Variants in ASPH observed in about 807,000 individuals in gnomAD.
ASPH encodes the protein aspartyl/asparaginyl beta-hydroxylase.
A neutral mutation model predicts 118.4 loss-of-function variants in ASPH; 100 were observed. That is an observed-to-expected ratio of 0.84 (90% CI 0.72 to 1.00). The LOEUF (loss-of-function observed/expected upper bound fraction) is 1.00, where lower values mean the gene tolerates loss of function less well. ASPH is among the 50% of genes least tolerant of loss of function. ASPH has a pLI of 0.00. For missense variants in ASPH, 920 were observed against 919.5 expected (o/e 1.00, Z -0.01); for synonymous variants, 315 against 325.6 (o/e 0.97, Z 0.35).
intron 3 of ASPH, chr8:61,664,861 C>G (rs1481739408): frequency 1.7e-5 from 17 of 992,858 alleles, no homozygotes; most frequent in African/African-American, 3.5e-5. Context: ...AAATCCATCT[C>G]CCTGAGTATT....
intron 13 of ASPH, among the ~76,000 whole-genome samples, chr8:61,623,291 T>C (rs1851610853): frequency 6.6e-6 from 1 of 152,234 alleles, no homozygotes; most frequent in Non-Finnish European, 1.5e-5. Context: ...TTTGCATTTC[T>C]GATGATCAAG....
intron 18 of ASPH, 41 bp downstream of exon 18, chr8:61,562,703 A>G (rs1830422883): frequency 4.6e-6 from 7 of 1,523,172 alleles, no homozygotes; most frequent in Non-Finnish European, 5.3e-6. Context: ...AAATAGCCTT[A>G]GAACTTAATT....
chr8:61,628,795 G>T (rs1319176766), intron 13 of ASPH, among the ~76,000 whole-genome samples: 2 of 152,140 alleles, frequency 1.3e-5, no homozygotes, highest in Admixed American at 1.3e-4. Context: ...GTACCCACAG[G>T]ACTGTGAACC....
chr8:61,539,933 C>T (rs1821239790), intron 21 of ASPH, among the ~76,000 whole-genome samples: 1 of 152,110 alleles, frequency 6.6e-6, no homozygotes, highest in Non-Finnish European at 1.5e-5. Flanking sequence ...TGGCTTTTCT[C>T]TAACTATAGG....
chr8:61,657,040 G>C (rs1333614693), intron 3 of ASPH: 2 of 152,172 alleles, frequency 1.3e-5, no homozygotes, highest in East Asian at 3.9e-4. Context: ...CCGGGGGAGA[G>C]AGAAACTTAA....
At chr8:61,624,680 T>C in intron 13 of ASPH, 1 of 985,536 alleles carries the variant, frequency 1.0e-6, no homozygotes, top group Non-Finnish European at 1.2e-6. Flanking sequence ...CAAAAATATT[T>C]AAAGTTAACC....
chr8:61,682,397 G>A lies in ASPH; in HGVS notation c.254-1361C>T, dbSNP rs1259832594. On this transcript the variant is annotated intron_variant, in intron 2 of 24. Transcript: ENST00000379454. ...AGTAGAAAAAGGATGAGCCATTAGA[G>A]AGTAACACACGTAGACTTGAAATGC... 3.8e-6 allele frequency: 6 copies of A among 1,577,832 alleles called. No homozygotes were observed. The African/African-American group carries it at 4.1e-5, about 11-fold the overall frequency.
At chr8:61,506,073 C>A (rs938878548) in intron 24 of ASPH, among the ~76,000 whole-genome samples, 1 of 152,174 alleles carries the variant, frequency 6.6e-6, no homozygotes, top group Non-Finnish European at 1.5e-5. Flanking sequence ...GAGCCACCCA[C>A]GTATCTATCA....
chr8:61,633,823 G>A, intron 12 of ASPH, 96 bp from the exon 13 acceptor site: 1 of 826,224 alleles, frequency 1.2e-6, no homozygotes, highest in Non-Finnish European at 1.8e-6. Flanking sequence ...ACTTTTCATA[G>A]ATTTTTTAAA....
In ASPH at chr8:61,502,753, A is replaced by G. The variant is rs1438720038; in HGVS notation, c.*606T>C. ...TTGAGAGTTGGGATGGGTACAGTTC[A>G]TAGACACTGACATAATGAGCTCTTT... On this transcript the variant is annotated 3_prime_UTR_variant, in exon 25 of 25. Coordinates refer to ENST00000379454, the MANE Select transcript of ASPH (RefSeq NM_004318.4). 1 of 152,256 alleles carries G rather than the reference A, an allele frequency of 6.6e-6. No individual in the cohort carries two copies. The highest frequency in any genetic ancestry group is 1.9e-4 in the East Asian group (1 of 5,204). The allele number at this position is 152,256 out of a possible 1,614,324, so 9.4% of individuals were successfully genotyped here.
intron 13 of ASPH, among the ~76,000 whole-genome samples, chr8:61,622,492 A>G (rs1428418628): frequency 6.6e-6 from 1 of 152,136 alleles, no homozygotes; most frequent in South Asian, 2.1e-4. Flanking sequence ...GCATTACCAC[A>G]CTGGCATCTG....
intron 14 of ASPH, among the ~76,000 whole-genome samples, chr8:61,609,895 C>T (rs1445871135): frequency 2.0e-5 from 3 of 152,118 alleles, no homozygotes; most frequent in East Asian, 3.8e-4. Flanking sequence ...TTTTATGGCA[C>T]ATTTTTTGAA....
chr8:61,699,709 G>C (rs1359704256), intron 1 of ASPH, among the ~76,000 whole-genome samples: 1 of 152,102 alleles, frequency 6.6e-6, no homozygotes, highest in Non-Finnish European at 1.5e-5. Flanking sequence ...TAGTTTACTT[G>C]CAAGACTGTG....
At chr8:61,574,692 C>G (rs758173444) in intron 16 of ASPH, among the ~76,000 whole-genome samples, 7 of 152,098 alleles carry the variant, frequency 4.6e-5, no homozygotes, top group African/African-American at 9.7e-5. Context: ...ACACCGCGGC[C>G]TGTCGGGTGG....
intron 22 of ASPH, among the ~76,000 whole-genome samples, chr8:61,522,994 A>G (rs1339508268): frequency 6.6e-6 from 1 of 152,176 alleles, no homozygotes; most frequent in Non-Finnish European, 1.5e-5. Flanking sequence ...AGTCCATAGA[A>G]GAGACCTACC....
intron 3 of ASPH, chr8:61,676,103 C>A: frequency 6.3e-7 from 1 of 1,599,434 alleles, no homozygotes; most frequent in Non-Finnish European, 8.5e-7. Flanking sequence ...CAATATGACA[C>A]AAGTCTTTCC....
chr8:61,659,862 T>A (rs1815840417), intron 3 of ASPH: 1 of 152,116 alleles, frequency 6.6e-6, no homozygotes, highest in Non-Finnish European at 1.5e-5. Context: ...TCACCTGACA[T>A]CTAAATGGCA....
chr8:61,556,025 AAACTCAAAGAAAACACAGAACAT>A lies in ASPH; in HGVS notation c.1438-26_1438-4del, dbSNP rs758942457. The A allele has an allele frequency of 3.1e-6, 5 of 1,612,638 alleles. No homozygotes were observed. In the East Asian group the frequency reaches 1.1e-4, roughly 36 times the overall value. On this transcript the variant is annotated splice_polypyrimidine_tract_variant and splice_region_variant and intron_variant, in intron 18 of 24. Transcript: ENST00000379454. Reference sequence around the variant, plus strand: ...TCATTAGGTGTCACACTCAGCACCTAAACTCAAAGAAAACACAGAACATAACTCAAAGAAAACATAGGTGATTG... The same window carrying A: ...TCATTAGGTGTCACACTCAGCACCTAAACTCAAAGAAAACATAGGTGATTG...
chr8:61,639,434 T>C (rs772641143), intron 10 of ASPH, among the ~76,000 whole-genome samples: 3 of 152,162 alleles, frequency 2.0e-5, no homozygotes, highest in Non-Finnish European at 4.4e-5. Flanking sequence ...CAGCCCTCGC[T>C]ATATTTTTAG....
Sources: gnomAD v4.1 joint callset for allele counts (sites outside exome capture counted in the v4.1 genomes callset) on GRCh38, gnomAD v4.1.1 for gene constraint, MANE v1.5 for transcripts, NCBI Gene and HGNC (gene_info 2026-07-23, HGNC 2026-07-21) for gene names.